Variants in FOCAD observed in about 807,000 individuals in gnomAD.
FOCAD encodes focadhesin.
Under a neutral mutation model 225.6 loss-of-function variants are expected in FOCAD, and 198 were observed. That is an observed-to-expected ratio of 0.88 (90% CI 0.78 to 0.99). FOCAD has a LOEUF of 0.99. Among genes scored for constraint, FOCAD ranks in the 50% least tolerant of loss-of-function variants. The pLI, the probability that FOCAD is intolerant of heterozygous loss-of-function variation, is 0.00. For synonymous variants in FOCAD, 897 were observed against 755.0 expected (o/e 1.19, Z -3.08); for missense variants, 2,713 against 2,123.6 (o/e 1.28, Z -5.46).
chr9:20,821,347 G>A (rs1824303520), intron 14 of FOCAD, among the ~76,000 whole-genome samples: 1 of 151,954 alleles, frequency 6.6e-6, no homozygotes, highest in African/African-American at 2.4e-5. Flanking sequence ...AACATGTGAT[G>A]TTATGTTTTC....
At chr9:20,891,761 C>T (rs1387394448) in intron 21 of FOCAD, among the ~76,000 whole-genome samples, 1 of 152,212 alleles carries the variant, frequency 6.6e-6, no homozygotes, top group African/African-American at 2.4e-5. Context: ...GTAAAAGCTG[C>T]AGCAAGTTAT....
chr9:20,943,872 A>G (rs1052921769), intron 28 of FOCAD, among the ~76,000 whole-genome samples: 2 of 152,318 alleles, frequency 1.3e-5, no homozygotes, highest in East Asian at 1.9e-4. Context: ...TTACCATACT[A>G]TCTTGAAGTT....
intron 19 of FOCAD, among the ~76,000 whole-genome samples, chr9:20,878,534 C>T (rs1483531923): frequency 1.3e-5 from 2 of 152,148 alleles, no homozygotes; most frequent in African/African-American, 2.4e-5. Context: ...AACCCCTTTT[C>T]GTGAGAGAAC....
At chr9:20,701,916 T>G (rs1823987951) in intron 1 of FOCAD, among the ~76,000 whole-genome samples, 1 of 152,190 alleles carries the variant, frequency 6.6e-6, no homozygotes, top group Non-Finnish European at 1.5e-5. Context: ...ACCCAGGTAA[T>G]TCATTTAAAG....
chr9:20,964,575 T>A (rs1839078381), intron 35 of FOCAD, among the ~76,000 whole-genome samples: 2 of 151,910 alleles, frequency 1.3e-5, no homozygotes, highest in East Asian at 3.9e-4. Flanking sequence ...CTTGCTCTGT[T>A]GCCAGGCTGG....
chr9:20,796,280 TG>T (rs1420554034), intron 11 of FOCAD, among the ~76,000 whole-genome samples: 2 of 152,194 alleles, frequency 1.3e-5, no homozygotes, highest in Non-Finnish European at 1.5e-5. Context: ...AACATACGTG[TG>T]CATGTGTCTT....
chr9:20,765,547 T>A (rs775693269), intron 7 of FOCAD, among the ~76,000 whole-genome samples: 107 of 152,262 alleles, frequency 7.0e-4, no homozygotes, highest in Non-Finnish European at 7.4e-4. Flanking sequence ...TTGCAACATA[T>A]GCAGCAGCTC....
chr9:20,846,435 C>A (rs932272483), intron 15 of FOCAD, among the ~76,000 whole-genome samples: 1 of 152,052 alleles, frequency 6.6e-6, no homozygotes, highest in Admixed American at 6.6e-5. Context: ...AGCTCCAGCC[C>A]CAAACTGTTT....
At chr9:20,826,890 G>A (rs2131464460) in intron 15 of FOCAD, among the ~76,000 whole-genome samples, 1 of 152,100 alleles carries the variant, frequency 6.6e-6, no homozygotes, top group Admixed American at 6.5e-5. Flanking sequence ...TAATGTTCCT[G>A]CATTCTCTTT....
chr9:20,670,585 A>C (rs1316256009), intron 2 of FOCAD, among the ~76,000 whole-genome samples: 1 of 152,178 alleles, frequency 6.6e-6, no homozygotes, highest in Non-Finnish European at 1.5e-5. Context: ...CGAGAACAGC[A>C]TGGGGGAAAC....
At chr9:20,897,474 T>TGA (rs1832191109) in intron 21 of FOCAD, among the ~76,000 whole-genome samples, 1 of 151,674 alleles carries the variant, frequency 6.6e-6, no homozygotes, top group African/African-American at 2.4e-5. Context: ...TTTTTGTCCT[T>TGA]ACGGTTTCAA....
At chr9:20,879,620 T>C (rs1281804621) in intron 19 of FOCAD, among the ~76,000 whole-genome samples, 1 of 152,230 alleles carries the variant, frequency 6.6e-6, no homozygotes, top group African/African-American at 2.4e-5. Flanking sequence ...TCTGACACTT[T>C]GTGTCCTACG....
At chr9:20,887,272 C>T (rs550268885) in intron 21 of FOCAD, among the ~76,000 whole-genome samples, 2 of 151,256 alleles carry the variant, frequency 1.3e-5, no homozygotes, top group South Asian at 4.2e-4. Flanking sequence ...TCTCACTCTG[C>T]TGTCCAGGCT....
At chr9:20,682,050 G>A (rs879256651), upstream of FOCAD, among the ~76,000 whole-genome samples, 1 of 152,104 alleles carries the variant, frequency 6.6e-6, no homozygotes, top group Admixed American at 6.6e-5. Flanking sequence ...GACTCCTGTC[G>A]TGCCCTTATA....
At chr9:20,925,099 A>G (rs563735817) in intron 25 of FOCAD, among the ~76,000 whole-genome samples, 1 of 152,116 alleles carries the variant, frequency 6.6e-6, no homozygotes, top group African/African-American at 2.4e-5. Flanking sequence ...AGGCCAAGGG[A>G]TTATTGCATG....
At chr9:20,711,803 C>T (rs1228129832) in intron 1 of FOCAD, among the ~76,000 whole-genome samples, 1 of 152,152 alleles carries the variant, frequency 6.6e-6, no homozygotes, top group Non-Finnish European at 1.5e-5. Flanking sequence ...TGCCAGATGA[C>T]GACTGATAGC....
At chr9:20,667,888 C>A (rs1821941831) in intron 2 of FOCAD, among the ~76,000 whole-genome samples, 1 of 152,052 alleles carries the variant, frequency 6.6e-6, no homozygotes, top group Non-Finnish European at 1.5e-5. Context: ...TCAAAAAGAT[C>A]ATTCTGGTGT....
chr9:20,932,911 C>G, intron 27 of FOCAD, 103 bp from the exon 28 acceptor site: 1 of 781,388 alleles, frequency 1.3e-6, no homozygotes, highest in Non-Finnish European at 2.1e-6. Flanking sequence ...AAGAGAAATG[C>G]TGGTATTTCC....
At chr9:20,818,615 C>T (rs1823989530) in intron 11 of FOCAD, among the ~76,000 whole-genome samples, 1 of 152,040 alleles carries the variant, frequency 6.6e-6, no homozygotes, top group African/African-American at 2.4e-5. Context: ...CACTATCCCT[C>T]CGAGAGACTC....
Sources: allele counts gnomAD v4.1 joint callset (sites outside exome capture counted in the v4.1 genomes callset), GRCh38; gene constraint gnomAD v4.1.1; transcripts MANE v1.5; gene names NCBI Gene and HGNC (gene_info 2026-07-23, HGNC 2026-07-21).